The following PIP5K1C variants were observed in gnomAD, a reference collection of about 807,000 sequenced individuals.
The protein encoded by PIP5K1C is phosphatidylinositol-4-phosphate 5-kinase type 1 gamma, also known as phosphatidylinositol 4-phosphate 5-kinase type-1 gamma.
Under a neutral mutation model 80.1 loss-of-function variants are expected in PIP5K1C, and 45 were observed. The ratio of observed to expected loss-of-function variants is 0.56; its 90% CI spans 0.44 to 0.72. The LOEUF (loss-of-function observed/expected upper bound fraction) is 0.72, where lower values mean the gene tolerates loss of function less well. Ranked by LOEUF, PIP5K1C falls within the 30% of genes least tolerant of loss-of-function variation. The pLI is 0.00. For synonymous variants in PIP5K1C, 498 were observed against 420.1 expected (o/e 1.19, Z -2.27); for missense variants, 753 against 954.6 (o/e 0.79, Z 2.78).
At position 3,675,757 on chromosome 19, in the gene PIP5K1C, G is replaced by T. The variant is rs533828739; in HGVS notation, c.95-8404C>A. On this transcript the variant is annotated intron_variant, in intron 1 of 17. Transcript: ENST00000335312. ...CCCCCTCAGCACTTAGGGCTGGATT[G>T]TTCTCTGGGCTGGTCACTGGGGCCG... 1.1e-3 allele frequency among the ~76,000 whole-genome samples: 162 copies of T among 152,314 alleles called. 2 individuals carry two copies. The highest frequency in any genetic ancestry group is 3.8e-3 in the African/African-American group (158 of 41,566).
intron 1 of PIP5K1C, among the ~76,000 whole-genome samples, chr19:3,678,079 A>G (rs56822749): frequency 1 from 95,630 of 95,942 alleles, 47,665 homozygotes; most frequent in Admixed American, 1. Context: ...ATGGAAGGAG[A>G]ATGGAGGATG....
rs1599981041 is a variant in PIP5K1C at position 3,655,777 on chromosome 19, C to T, written c.621+628G>A. On this transcript the variant is annotated intron_variant, in intron 6 of 17. Transcript: ENST00000335312. ...TGCTGTGCTGCCCAGGGCCGGGCAG[C>T]AGCTTGGGCCTGGCAACATGGAAGG... Among the ~76,000 whole-genome samples the T allele has an allele frequency of 3.9e-5, 6 of 152,214 alleles. No individual in the cohort carries two copies. The South Asian group carries it at 1.2e-3, about 31-fold the overall frequency.
Position 3,655,200 on chromosome 19 carries a change from C to T in PIP5K1C, c.621+1205G>A, listed in dbSNP as rs376230648. ...CCAGGAGGCCGAGACAGGCAGATCA[C>T]GACATCAGGAAATCGAGACCATCCT... On this transcript the variant is annotated intron_variant, in intron 6 of 17. Transcript: ENST00000335312. Among the ~76,000 whole-genome samples the T allele has an allele frequency of 2.2e-4, 33 of 150,198 alleles. 1 individual carries two copies. The East Asian group carries it at 4.8e-3, about 22-fold the overall frequency.
Position 3,632,985 on chromosome 19 carries a change from G to A in PIP5K1C, c.*182C>T, listed in dbSNP as rs2033512354. The A allele has an allele frequency of 3.7e-6, 2 of 535,664 alleles. No individual in the cohort carries two copies. The highest frequency in any genetic ancestry group is 2.5e-5 in the South Asian group (1 of 40,258). 33.2% of individuals were successfully genotyped at this position (535,664 alleles called of 1,614,324 possible). ...GCAGGCTGCCGACCGGGGTGCCGGGGCCCTGGGAGGCTTGTCGGGGAGGGG... is the reference window on the plus strand; with the variant it reads ...GCAGGCTGCCGACCGGGGTGCCGGGACCCTGGGAGGCTTGTCGGGGAGGGG... On this transcript the variant is annotated 3_prime_UTR_variant, in exon 18 of 18. Transcript: ENST00000335312.
intron 2 of PIP5K1C, among the ~76,000 whole-genome samples, chr19:3,666,596 AAC>A (rs1364619254): frequency 1.3e-5 from 2 of 151,128 alleles, no homozygotes; most frequent in Admixed American, 6.6e-5. Context: ...AACACAGGCA[AAC>A]ACGTGCACAC....
rs774033806 is a variant in PIP5K1C, at chr19:3,642,930, T to C, written c.1659A>G (p.Thr553=). The C allele has an allele frequency of 1.2e-6, 2 of 1,613,528 alleles. No individual in the cohort carries two copies. Among genetic ancestry groups the C allele is most frequent in the East Asian group, 2.2e-5 (1 of 44,862 alleles). ...TSEQPRYRRR[T]QSSGQDGRPQ... The stretch of plus-strand genomic sequence containing the variant: ...ACCTGCCATCCTGTCCAGACGACTG[T>C]GTGCGCCGCCTGCAGAGATACAGCA... Residue 553 remains threonine, a synonymous_variant, in exon 14 of 18, where the codon ACA becomes ACG. Coordinates refer to ENST00000335312, the MANE Select transcript of PIP5K1C (RefSeq NM_012398.3).
At chr19:3,697,660 T>C (rs947743119) in intron 1 of PIP5K1C, among the ~76,000 whole-genome samples, 1 of 152,130 alleles carries the variant, frequency 6.6e-6, no homozygotes, top group Non-Finnish European at 1.5e-5. Flanking sequence ...GGGATGCAGC[T>C]GACCTTTCCA....
chr19:3,669,393 C>T (rs1190491418), intron 1 of PIP5K1C, among the ~76,000 whole-genome samples: 1 of 152,114 alleles, frequency 6.6e-6, no homozygotes, highest in Admixed American at 6.5e-5. Flanking sequence ...GCCAACTGGG[C>T]GAGGTTCAGG....
intron 15 of PIP5K1C, among the ~76,000 whole-genome samples, chr19:3,641,233 A>G (rs1456499671): frequency 6.6e-6 from 1 of 152,110 alleles, no homozygotes; most frequent in Non-Finnish European, 1.5e-5. Flanking sequence ...AATTTAAAAA[A>G]TTAAAAATAA....
At chr19:3,644,027 G>T (rs374027025) in intron 12 of PIP5K1C, 60 bp downstream of exon 12, 5 of 1,583,516 alleles carry the variant, frequency 3.2e-6, no homozygotes, top group Admixed American at 1.7e-5. Context: ...CCCCACCCAC[G>T]GGGCTGCTGC....
chr19:3,637,731 G>T lies in PIP5K1C; in HGVS notation c.1920+1153C>A, dbSNP rs1449913747. ...AGGGAGGTGGCGGGGAGCAGGTGGG[G>T]ACAGCTGACTGCCAAGCAGAAGGTG... On this transcript the variant is annotated intron_variant, in intron 16 of 17. Transcript: ENST00000335312. The surrounding 1 kb of genome is among the most constrained non-coding windows in gnomAD (Gnocchi z 7.0). 5.9e-6 allele frequency: 9 copies of T among 1,521,676 alleles called. No homozygotes were observed. The Admixed American group carries it at 1.8e-4, about 30-fold the overall frequency. The allele number at this position is 1,521,676 out of a possible 1,614,324, so 94.3% of individuals were successfully genotyped here. A position where few individuals can be genotyped will look rare whatever the true frequency, so the allele number is the denominator to read the frequency against.
intron 16 of PIP5K1C, chr19:3,636,597 G>T (rs1279767891): frequency 1.0e-6 from 1 of 985,616 alleles, no homozygotes. Flanking sequence ...GCTCCTGGAC[G>T]ATCTCCGGGG....
intron 16 of PIP5K1C, chr19:3,636,747 C>T (rs62130603): frequency 0.019 from 18,745 of 987,028 alleles, 212 homozygotes; most frequent in Non-Finnish European, 0.021. Flanking sequence ...TGCTGATGGG[C>T]GGGGAGTCAC....
intron 16 of PIP5K1C, chr19:3,636,555 G>A (rs1032600443): frequency 1.0e-6 from 1 of 985,540 alleles, no homozygotes; most frequent in Non-Finnish European, 1.2e-6. Flanking sequence ...GGTCTCTCCA[G>A]TGCTCCTCCT....
rs2033790182 is a variant in PIP5K1C, at chr19:3,638,238, C to T, written c.1920+646G>A. On this transcript the variant is annotated intron_variant, in intron 16 of 17. Transcript: ENST00000335312. ...GCCTGGACATTCCAGGCCTCGCTGG[C>T]CGCCCGGCAGCCACCTCACCCAGAC... 2.6e-5 allele frequency among the ~76,000 whole-genome samples: 4 copies of T among 152,168 alleles called. No homozygotes were observed. In the South Asian group the frequency reaches 8.3e-4, roughly 31 times the overall value.
rs114290344 is a variant in PIP5K1C, at chr19:3,634,783, T to C, written c.1921-1263A>G. 6.0e-3 allele frequency among the ~76,000 whole-genome samples: 912 copies of C among 152,318 alleles called. 11 individuals are homozygous for C. Among genetic ancestry groups the C allele is most frequent in the African/African-American group, 0.021 (879 of 41,578 alleles). ...GCTCCCTCTAAAGGGCCCACCTCTG[T>C]GCTCACTCCACCCTGCCCGATCCTA... On this transcript the variant is annotated intron_variant, in intron 16 of 17. Transcript: ENST00000335312.
Position 3,648,376 on chromosome 19 carries a change from C to G in PIP5K1C, c.1211+249G>C, listed in dbSNP as rs576295535. ...CTTCCCTTTAGGGCTCAAGAAGGGG[C>G]AGCCAAGCAAGAGCTTTCCAGGTTG... On this transcript the variant is annotated intron_variant, in intron 9 of 17. Coordinates refer to ENST00000335312, the MANE Select transcript of PIP5K1C (RefSeq NM_012398.3). This position sits in a 1 kb window ranked among gnomAD's most constrained non-coding sequence, Gnocchi z 4.3. 2.0e-5 allele frequency among the ~76,000 whole-genome samples: 3 copies of G among 152,220 alleles called. No homozygotes were observed. Among genetic ancestry groups the G allele is most frequent in the Non-Finnish European group, 4.4e-5 (3 of 68,048 alleles).
At chr19:3,700,072 C>G (rs1600109912) in intron 1 of PIP5K1C, among the ~76,000 whole-genome samples, 2 of 152,170 alleles carry the variant, frequency 1.3e-5, no homozygotes, top group South Asian at 4.1e-4. Flanking sequence ...GAGTCGCCCC[C>G]GGCCCGGGAG....
intron 16 of PIP5K1C, chr19:3,636,306 G>C: frequency 1.2e-6 from 1 of 866,746 alleles, no homozygotes; most frequent in Non-Finnish European, 1.4e-6. Context: ...GGTGACCCCA[G>C]GAAGACCAGA....
Sources: allele counts gnomAD v4.1 joint callset (sites outside exome capture counted in the v4.1 genomes callset), GRCh38; gene constraint gnomAD v4.1.1; non-coding constraint Gnocchi (gnomAD v3.1); transcripts MANE v1.5; gene names NCBI Gene and HGNC (gene_info 2026-07-23, HGNC 2026-07-21).